PIP5K1A: variants seen among roughly 807,000 people sequenced by gnomAD.
PIP5K1A encodes the protein phosphatidylinositol-4-phosphate 5-kinase type 1 alpha, also known as phosphatidylinositol 4-phosphate 5-kinase type-1 alpha.
In PIP5K1A, 46 loss-of-function variants were observed where a neutral mutation model predicts 72.9. The ratio of observed to expected loss-of-function variants is 0.63; its 90% confidence interval spans 0.50 to 0.81. The LOEUF (loss-of-function observed/expected upper bound fraction) is 0.81. Ranked by LOEUF, PIP5K1A falls within the 30% of genes least tolerant of loss-of-function variation. The probability of loss-of-function intolerance (pLI) is 0.00; values close to 1 mark genes in which losing one functional copy is unlikely to be tolerated. For synonymous variants in PIP5K1A, 228 were observed against 255.1 expected, an observed-to-expected ratio of 0.89 and a Z score of 1.01; for missense variants, 458 against 706.1, an observed-to-expected ratio of 0.65 and a Z score of 3.98.
At chr1:151,224,471 CATTT>C (rs1688828447) in intron 3 of PIP5K1A, 65 bp downstream of exon 3, 1 of 1,149,602 alleles carries the variant, frequency 8.7e-7, no homozygotes, top group East Asian at 2.3e-5. Context: ...CAATATCTCA[CATTT>C]ATTGAGCATT....
intron 1 of PIP5K1A, among the ~76,000 whole-genome samples, chr1:151,214,790 C>T (rs898835599): frequency 3.3e-5 from 5 of 152,172 alleles, no homozygotes; most frequent in Admixed American, 3.3e-4. Context: ...GATCTTGGCT[C>T]ACTGCAACCT....
chr1:151,236,910 C>T, intron 9 of PIP5K1A, 147 bp downstream of exon 9: 1 of 616,812 alleles, frequency 1.6e-6, no homozygotes, highest in Middle Eastern at 4.4e-4. Context: ...CTACTACTAC[C>T]TCCACCTCCT....
Position 151,207,864 on chromosome 1 carries a change from C to T in PIP5K1A, c.85+8783C>T, listed in dbSNP as rs1032235064. Among the ~76,000 whole-genome samples, 16 of 69,726 alleles carry T rather than the reference C, an allele frequency of 2.3e-4. 2 individuals are homozygous for T. The highest frequency in any genetic ancestry group is 9.0e-4 in the African/African-American group (16 of 17,860). 45.7% of individuals were successfully genotyped at this position (69,726 alleles called of 152,430 possible). A position where few individuals can be genotyped will look rare whatever the true frequency, so the allele number is the denominator to read the frequency against. On this transcript the variant is annotated intron_variant, in intron 1 of 15. Transcript: ENST00000368888. The stretch of plus-strand genomic sequence containing the variant: ...ATTAATCTTAATAAATATGTTGCTC[C>T]TTCTTTTTTTTTTTTTTGAGACAGA...
At chr1:151,212,891 T>C (rs1210317969) in intron 1 of PIP5K1A, among the ~76,000 whole-genome samples, 4 of 143,952 alleles carry the variant, frequency 2.8e-5, no homozygotes, top group Admixed American at 6.9e-5. Context: ...CTTTTTTTTT[T>C]TTTTTTTTCT....
At chr1:151,244,306 T>G (rs1692182523) in intron 14 of PIP5K1A, among the ~76,000 whole-genome samples, 1 of 152,242 alleles carries the variant, frequency 6.6e-6, no homozygotes, top group Non-Finnish European at 1.5e-5. Context: ...TAACAACTAT[T>G]TACATAGCAT....
At chr1:151,227,479 C>G in intron 4 of PIP5K1A, 79 bp downstream of exon 4, 1 of 861,892 alleles carries the variant, frequency 1.2e-6, no homozygotes, top group South Asian at 1.4e-5. Context: ...CTTGAAATTA[C>G]TCTCCATGTA....
At chr1:151,239,419 C>T (rs1008845604) in intron 11 of PIP5K1A, among the ~76,000 whole-genome samples, 13 of 151,926 alleles carry the variant, frequency 8.6e-5, no homozygotes, top group African/African-American at 3.1e-4. Flanking sequence ...ACCACAGGCG[C>T]GTGCCACCAC....
chr1:151,221,801 G>A (rs1265020817), intron 1 of PIP5K1A, among the ~76,000 whole-genome samples: 1 of 152,228 alleles, frequency 6.6e-6, no homozygotes, highest in Non-Finnish European at 1.5e-5. Flanking sequence ...GCCAGGTGCA[G>A]TGGTGCAGTC....
At chr1:151,213,710 G>A (rs1002776751) in intron 1 of PIP5K1A, among the ~76,000 whole-genome samples, 9 of 151,982 alleles carry the variant, frequency 5.9e-5, no homozygotes, top group African/African-American at 1.2e-4. Context: ...ATAGCATAAC[G>A]TGGTTGTAAT....
chr1:151,239,564 G>A (rs906580623), intron 11 of PIP5K1A, among the ~76,000 whole-genome samples: 2 of 152,050 alleles, frequency 1.3e-5, no homozygotes, highest in Admixed American at 1.3e-4. Context: ...GTCTCGCTCT[G>A]TCACTCAGGC....
chr1:151,214,569 T>TG (rs1687303802), intron 1 of PIP5K1A, among the ~76,000 whole-genome samples: 1 of 151,916 alleles, frequency 6.6e-6, no homozygotes, highest in African/African-American at 2.4e-5. Flanking sequence ...TTAGTAGAGA[T>TG]GGGGTTTTGC....
In PIP5K1A at chr1:151,210,264, T is replaced by C. The variant is rs115592323; in HGVS notation, c.85+11183T>C. The stretch of plus-strand genomic sequence containing the variant: ...AGGGTGGTGTGCAATGGCATGATGA[T>C]AGCTCACTGTAGCCTCAAACTCCTG... On this transcript the variant is annotated intron_variant, in intron 1 of 15. Transcript: ENST00000368888. Among the ~76,000 whole-genome samples the C allele has an allele frequency of 3.9e-3, 592 of 150,734 alleles. 4 individuals carry two copies. The highest frequency in any genetic ancestry group is 7.0e-3 in the Non-Finnish European group (474 of 67,754).
At chr1:151,227,600 A>AT (rs1264209484) in intron 4 of PIP5K1A, among the ~76,000 whole-genome samples, 200 bp downstream of exon 4, 5 of 151,972 alleles carry the variant, frequency 3.3e-5, no homozygotes, top group Non-Finnish European at 7.4e-5. Flanking sequence ...TTTAAATGAG[A>AT]TTTTTTTTGG....
intron 1 of PIP5K1A, among the ~76,000 whole-genome samples, chr1:151,207,258 C>T (rs192440875): frequency 6.6e-6 from 1 of 152,154 alleles, no homozygotes; most frequent in Non-Finnish European, 1.5e-5. Context: ...TGGCTATCTG[C>T]CAAAAATTTC....
rs587733010 is a variant in PIP5K1A at position 151,229,567 on chromosome 1, G to A, written c.238-2104G>A. 4.0e-5 allele frequency among the ~76,000 whole-genome samples: 6 copies of A among 151,172 alleles called. No homozygotes were observed. In the South Asian group the frequency reaches 1.3e-3, roughly 32 times the overall value. ...GTAGAGATAGGGTTTCTCCATGTTG[G>A]TCAGGCTGGTCTTGAACTCCTGACC... On this transcript the variant is annotated intron_variant, in intron 4 of 15. Transcript: ENST00000368888.
At chr1:151,196,046 G>A (rs1037501592), upstream of PIP5K1A, among the ~76,000 whole-genome samples, 1 of 151,082 alleles carries the variant, frequency 6.6e-6, no homozygotes, top group African/African-American at 2.4e-5. Flanking sequence ...TACAGGCGCC[G>A]GCCAACTCAC....
At chr1:151,239,329 G>A in intron 11 of PIP5K1A, 151 bp downstream of exon 11, 1 of 566,462 alleles carries the variant, frequency 1.8e-6, no homozygotes, top group Non-Finnish European at 3.1e-6. Context: ...CTGGAGTGCA[G>A]TGGCGTGATC....
At chr1:151,244,908 G>T (rs1692274739) in intron 14 of PIP5K1A, among the ~76,000 whole-genome samples, 1 of 149,728 alleles carries the variant, frequency 6.7e-6, no homozygotes, top group South Asian at 2.1e-4. Context: ...TCTTGGCAGT[G>T]CTCTGGAGCT....
chr1:151,200,835 TTTATTTA>T (rs1220108016), intron 1 of PIP5K1A, among the ~76,000 whole-genome samples: 4 of 151,810 alleles, frequency 2.6e-5, no homozygotes, highest in Admixed American at 2.6e-4. Flanking sequence ...TATTTATTTA[TTTATTTA>T]TTTTTGAGAC....
Sources: gnomAD v4.1 joint callset for allele counts (sites outside exome capture counted in the v4.1 genomes callset) on GRCh38, gnomAD v4.1.1 for gene constraint, MANE v1.5 for transcripts, NCBI Gene and HGNC (gene_info 2026-07-23, HGNC 2026-07-21) for gene names.